ZNF423: variants seen among roughly 807,000 people sequenced by gnomAD.
ZNF423 encodes the protein Ebf-associated zinc finger protein.
In ZNF423, 12 loss-of-function variants were observed where a neutral mutation model predicts 95.8. The ratio of observed to expected loss-of-function variants is 0.13; its 90% CI spans 0.08 to 0.20. The LOEUF (loss-of-function observed/expected upper bound fraction) is 0.20, where lower values mean the gene tolerates loss of function less well. ZNF423 is among the 10% of genes least tolerant of loss of function. The pLI is 1.00. For missense variants in ZNF423, 1,316 were observed against 1,737.1 expected, an observed-to-expected ratio of 0.76 and a Z score of 4.31; for synonymous variants, 749 against 711.9, an observed-to-expected ratio of 1.05 and a Z score of -0.83.
intron 5 of ZNF423, among the ~76,000 whole-genome samples, chr16:49,593,995 G>T (rs1035493822): frequency 1.1e-4 from 17 of 152,078 alleles, no homozygotes; most frequent in African/African-American, 3.9e-4. Flanking sequence ...AGGAGGAAAT[G>T]TTGTCCTAGA....
At chr16:49,617,053 C>A (rs934269432) in intron 5 of ZNF423, among the ~76,000 whole-genome samples, 1 of 152,168 alleles carries the variant, frequency 6.6e-6, no homozygotes. Flanking sequence ...GAAATAAAAG[C>A]CCTCTTTCTT....
Position 49,530,055 on chromosome 16 carries a change from G to A in ZNF423, c.3602-4561C>T, listed in dbSNP as rs565809518. On this transcript the variant is annotated intron_variant, in intron 5 of 7. Coordinates refer to ENST00000563137, the MANE Select transcript of ZNF423 (RefSeq NM_001379286.1). ...AATGAAGGACACAAAAGCTAGAGCCGGGAACACTTGGGTTTGAGCCCTAGT... is the reference window on the plus strand; with the variant it reads ...AATGAAGGACACAAAAGCTAGAGCCAGGAACACTTGGGTTTGAGCCCTAGT... Among the ~76,000 whole-genome samples, 323 of 152,230 alleles carry A rather than the reference G, an allele frequency of 2.1e-3. 1 individual carries two copies. Among genetic ancestry groups the A allele is most frequent in the African/African-American group, 7.6e-3 (315 of 41,536 alleles).
chr16:49,621,004 C>T (rs1164702353), intron 5 of ZNF423, among the ~76,000 whole-genome samples: 2 of 152,218 alleles, frequency 1.3e-5, no homozygotes, highest in Non-Finnish European at 2.9e-5. Flanking sequence ...CCAAGCCCCC[C>T]ATAAGCCTCC....
chr16:49,731,601 C>T (rs1234748389), intron 2 of ZNF423, among the ~76,000 whole-genome samples: 1 of 152,010 alleles, frequency 6.6e-6, no homozygotes, highest in East Asian at 1.9e-4. Context: ...TTGCTGAAGG[C>T]CTGGAGTTTG....
At chr16:49,849,434 A>T (rs2035278598) in intron 1 of ZNF423, among the ~76,000 whole-genome samples, 1 of 152,260 alleles carries the variant, frequency 6.6e-6, no homozygotes, top group African/African-American at 2.4e-5. Flanking sequence ...CCAAATCCAG[A>T]GAACAACCCA....
chr16:49,569,145 A>G (rs993442141), intron 5 of ZNF423, among the ~76,000 whole-genome samples: 7 of 152,318 alleles, frequency 4.6e-5, no homozygotes, highest in African/African-American at 1.7e-4. Context: ...TGCTACCAGC[A>G]TCCTTCTTCA....
At position 49,650,534 on chromosome 16, in the gene ZNF423, C is replaced by T. The variant is rs368382199; in HGVS notation, c.302-11660G>A. ...TTGCGCAGCACCTCACACCCATTAT[C>T]CATTTGACATCTGGAGCAACTCTGT... On this transcript the variant is annotated intron_variant, in intron 3 of 7. Coordinates refer to ENST00000563137, the MANE Select transcript of ZNF423 (RefSeq NM_001379286.1). Among the ~76,000 whole-genome samples, 17 of 152,320 alleles carry T rather than the reference C, an allele frequency of 1.1e-4. No homozygotes were observed. In the East Asian group the frequency reaches 2.3e-3, roughly 21 times the overall value.
chr16:49,733,488 C>T (rs1266820847), intron 2 of ZNF423, among the ~76,000 whole-genome samples: 2 of 152,180 alleles, frequency 1.3e-5, no homozygotes, highest in Non-Finnish European at 2.9e-5. Context: ...ATCCTGTTGA[C>T]TCGGGAGTAG....
intron 1 of ZNF423, among the ~76,000 whole-genome samples, chr16:49,823,435 G>A (rs1176481532): frequency 6.6e-6 from 1 of 152,208 alleles, no homozygotes; most frequent in Non-Finnish European, 1.5e-5. Flanking sequence ...AGGAAACTGA[G>A]GCTCAGAGAG....
chr16:49,804,992 T>C (rs1185393527), intron 1 of ZNF423, among the ~76,000 whole-genome samples: 1 of 146,242 alleles, frequency 6.8e-6, no homozygotes, highest in Non-Finnish European at 1.5e-5. Context: ...CTCCACCTCC[T>C]GGGTTCAAGC....
chr16:49,588,682 T>C (rs1056016500), intron 5 of ZNF423, among the ~76,000 whole-genome samples: 1 of 152,246 alleles, frequency 6.6e-6, no homozygotes. Flanking sequence ...ACGGTAGCTA[T>C]GTCTGCCTCC....
At chr16:49,610,453 A>T (rs2151843193) in intron 5 of ZNF423, among the ~76,000 whole-genome samples, 1 of 152,272 alleles carries the variant, frequency 6.6e-6, no homozygotes, top group Non-Finnish European at 1.5e-5. Context: ...TTGAACTGGT[A>T]AGATTATGAC....
intron 2 of ZNF423, among the ~76,000 whole-genome samples, chr16:49,784,285 C>T (rs1477774598): frequency 6.6e-6 from 1 of 152,118 alleles, no homozygotes; most frequent in Non-Finnish European, 1.5e-5. Flanking sequence ...CCTGTAGTCC[C>T]CACTACAAGG....
chr16:49,520,895 C>T (rs951362048), intron 7 of ZNF423, among the ~76,000 whole-genome samples: 2 of 152,286 alleles, frequency 1.3e-5, no homozygotes, highest in African/African-American at 2.4e-5. Context: ...ACAACACTTC[C>T]GTATTTAAAC....
intron 3 of ZNF423, chr16:49,708,228 G>A (rs1049694028): frequency 2.6e-5 from 4 of 152,156 alleles, no homozygotes; most frequent in African/African-American, 9.7e-5. Flanking sequence ...CCTCTTGGTG[G>A]AAAAGAACTG....
chr16:49,590,910 G>T (rs931779634), intron 5 of ZNF423, among the ~76,000 whole-genome samples: 2 of 152,184 alleles, frequency 1.3e-5, no homozygotes, highest in African/African-American at 4.8e-5. Flanking sequence ...ATTTGGTTAG[G>T]ATGATGTTCA....
intron 2 of ZNF423, among the ~76,000 whole-genome samples, chr16:49,740,212 GCACGTTTCCTAAAAA>G (rs1385295650): frequency 6.6e-6 from 1 of 152,062 alleles, no homozygotes; most frequent in Non-Finnish European, 1.5e-5. Flanking sequence ...CTAACAGCCT[GCACGTTTCCTAAAAA>G]CATGTTCCCG....
chr16:49,509,320 A>T (rs1597020552), intron 7 of ZNF423, among the ~76,000 whole-genome samples: 1 of 152,170 alleles, frequency 6.6e-6, no homozygotes, highest in Non-Finnish European at 1.5e-5. Context: ...CTCATATTGC[A>T]GCCACACAGT....
intron 3 of ZNF423, among the ~76,000 whole-genome samples, chr16:49,706,034 C>T (rs4470142): frequency 0.15 from 22,757 of 151,946 alleles, 1,751 homozygotes; most frequent in Non-Finnish European, 0.17. Flanking sequence ...AGGCACACTG[C>T]GGGGTGGTGT....
Sources: allele counts gnomAD v4.1 joint callset (sites outside exome capture counted in the v4.1 genomes callset), GRCh38; gene constraint gnomAD v4.1.1; transcripts MANE v1.5; gene names NCBI Gene and HGNC (gene_info 2026-07-23, HGNC 2026-07-21).